The following FGF14 variants were observed in gnomAD, a reference collection of about 807,000 sequenced individuals.
FGF14 encodes fibroblast growth factor homologous factor 4.
A neutral mutation model predicts 25.5 loss-of-function variants in FGF14; 5 were observed. The observed-to-expected ratio is 0.20, with a 90% CI of 0.10 to 0.41. FGF14 has a LOEUF of 0.41. FGF14 is among the 10% of genes least tolerant of loss of function. FGF14 has a pLI of 1.00. For missense variants in FGF14, 222 were observed against 320.1 expected (o/e 0.69, Z 2.34); for synonymous variants, 138 against 118.3 (o/e 1.17, Z -1.08).
At chr13:102,047,838 T>C (rs762785689) in intron 1 of FGF14, among the ~76,000 whole-genome samples, 4 of 151,916 alleles carry the variant, frequency 2.6e-5, no homozygotes, top group Non-Finnish European at 5.9e-5. Context: ...ATAAAAAAAA[T>C]CATCTTTACA....
intron 1 of FGF14, among the ~76,000 whole-genome samples, chr13:102,298,287 A>G (rs1252375542): frequency 1.3e-5 from 2 of 152,190 alleles, no homozygotes; most frequent in Non-Finnish European, 2.9e-5. Context: ...TGATTTCTGC[A>G]GGAACTCAGA....
At chr13:102,170,868 T>C (rs2048217332) in intron 1 of FGF14, among the ~76,000 whole-genome samples, 1 of 152,178 alleles carries the variant, frequency 6.6e-6, no homozygotes, top group African/African-American at 2.4e-5. Context: ...TCTGGGTTAT[T>C]TTCATCTACA....
chr13:102,099,741 T>G (rs2044570800), intron 1 of FGF14, among the ~76,000 whole-genome samples: 1 of 152,096 alleles, frequency 6.6e-6, no homozygotes, highest in Non-Finnish European at 1.5e-5. Flanking sequence ...AAATTATTTG[T>G]TAATAAATGC....
intron 1 of FGF14, among the ~76,000 whole-genome samples, chr13:102,328,645 C>T (rs906141966): frequency 6.6e-6 from 1 of 152,178 alleles, no homozygotes; most frequent in Admixed American, 6.5e-5. Flanking sequence ...ATAGCTGTAT[C>T]GTGTGATACA....
intron 1 of FGF14, among the ~76,000 whole-genome samples, chr13:101,913,047 G>A (rs1278031943): frequency 6.6e-6 from 1 of 152,168 alleles, no homozygotes; most frequent in African/African-American, 2.4e-5. Context: ...TACCACAGGA[G>A]AATTATTTTT....
chr13:101,934,990 G>C (rs1234850354), intron 1 of FGF14, among the ~76,000 whole-genome samples: 1 of 152,022 alleles, frequency 6.6e-6, no homozygotes, highest in African/African-American at 2.4e-5. Flanking sequence ...TATTGTATTG[G>C]CTCCTAGAAC....
At chr13:101,759,730 A>G (rs1285086867) in intron 3 of FGF14, among the ~76,000 whole-genome samples, 1 of 152,170 alleles carries the variant, frequency 6.6e-6, no homozygotes, top group African/African-American at 2.4e-5. Context: ...AATGTTCTCT[A>G]TGGCACTTCT....
intron 1 of FGF14, among the ~76,000 whole-genome samples, chr13:102,160,245 C>T (rs1204798640): frequency 1.3e-5 from 2 of 152,196 alleles, no homozygotes; most frequent in Non-Finnish European, 2.9e-5. Flanking sequence ...CACGCTTCCT[C>T]AGATTCTGCC....
At chr13:102,085,003 C>G (rs1402456234) in intron 1 of FGF14, among the ~76,000 whole-genome samples, 1 of 152,214 alleles carries the variant, frequency 6.6e-6, no homozygotes, top group African/African-American at 2.4e-5. Flanking sequence ...TATCATTTGA[C>G]TGTCCCTGAA....
At chr13:101,909,812 A>C (rs2032700083) in intron 1 of FGF14, among the ~76,000 whole-genome samples, 1 of 152,200 alleles carries the variant, frequency 6.6e-6, no homozygotes, top group African/African-American at 2.4e-5. Context: ...TTGCGGCACT[A>C]TTCACAATAG....
intron 1 of FGF14, among the ~76,000 whole-genome samples, chr13:102,072,310 C>T (rs1163051377): frequency 1.3e-5 from 2 of 151,928 alleles, no homozygotes; most frequent in East Asian, 1.9e-4. Flanking sequence ...AGAATCTTTC[C>T]CAGAAGTTAT....
At chr13:102,333,886 G>T (rs867039216) in intron 1 of FGF14, among the ~76,000 whole-genome samples, 7 of 152,072 alleles carry the variant, frequency 4.6e-5, no homozygotes, top group African/African-American at 7.2e-5. Context: ...ACGACTGAAG[G>T]GTGCATGCTG....
At chr13:101,755,789 TG>T (rs1406085522) in intron 3 of FGF14, among the ~76,000 whole-genome samples, 1 of 152,204 alleles carries the variant, frequency 6.6e-6, no homozygotes, top group Non-Finnish European at 1.5e-5. Context: ...AACTCTAATT[TG>T]CAAAGGAAAG....
intron 1 of FGF14, among the ~76,000 whole-genome samples, chr13:102,165,564 G>A (rs1461083001): frequency 6.8e-6 from 1 of 147,000 alleles, no homozygotes; most frequent in Non-Finnish European, 1.5e-5. Flanking sequence ...CTATCGCAAG[G>A]ACAAAAAACC....
intron 1 of FGF14, among the ~76,000 whole-genome samples, chr13:101,980,254 A>G (rs2038166202): frequency 6.6e-6 from 1 of 152,200 alleles, no homozygotes; most frequent in Non-Finnish European, 1.5e-5. Flanking sequence ...TTACCTAAAT[A>G]AAAATTATAG....
rs2033570319 is a variant in FGF14, at chr13:101,916,888, G to A, written c.-243C>T. On this transcript the variant is annotated 5_prime_UTR_variant, in exon 1 of 5. Transcript: ENST00000376143. ...CGCAGCCGGACGATCCCGGGAAGCC[G>A]GACGTCGTGGCCGCCGCCGCTTGGC... Among the ~76,000 whole-genome samples the A allele has an allele frequency of 6.6e-6, 1 of 152,086 alleles. No individual in the cohort carries two copies. The highest frequency in any genetic ancestry group is 2.1e-4 in the South Asian group (1 of 4,836).
chr13:101,879,866 T>C (rs1056429888), intron 1 of FGF14, among the ~76,000 whole-genome samples: 1 of 152,150 alleles, frequency 6.6e-6, no homozygotes, highest in African/African-American at 2.4e-5. Flanking sequence ...CAGAAAATAG[T>C]ATTTGAATAA....
chr13:102,049,575 T>C (rs909900919), intron 1 of FGF14, among the ~76,000 whole-genome samples: 2 of 152,210 alleles, frequency 1.3e-5, no homozygotes, highest in African/African-American at 2.4e-5. Context: ...ACTCTCCTCA[T>C]TCATATATTA....
chr13:102,224,800 G>A (rs960751168), intron 1 of FGF14, among the ~76,000 whole-genome samples: 1 of 152,086 alleles, frequency 6.6e-6, no homozygotes, highest in Non-Finnish European at 1.5e-5. Flanking sequence ...CAAATACCTT[G>A]ATGAACAATA....
Sources: allele counts gnomAD v4.1 joint callset (sites outside exome capture counted in the v4.1 genomes callset), GRCh38; gene constraint gnomAD v4.1.1; transcripts MANE v1.5; gene names NCBI Gene and HGNC (gene_info 2026-07-23, HGNC 2026-07-21).